UBXN7: variants seen among roughly 807,000 people sequenced by gnomAD.
UBXN7 encodes UBX domain protein 7, also known as UBX domain-containing protein 7.
UBXN7 carries 9 observed loss-of-function variants against 58.0 expected under a neutral mutation model. That is an observed-to-expected ratio of 0.16 (90% confidence interval 0.09 to 0.27). UBXN7 has a LOEUF of 0.27. Among genes scored for constraint, UBXN7 ranks in the 10% least tolerant of loss-of-function variants. UBXN7 has a pLI of 1.00. For synonymous variants in UBXN7, 208 were observed against 205.0 expected (o/e 1.01, Z -0.12); for missense variants, 328 against 599.6 (o/e 0.55, Z 4.73).
At chr3:196,359,098 G>A (rs933954201) in intron 10 of UBXN7, among the ~76,000 whole-genome samples, 2 of 152,124 alleles carry the variant, frequency 1.3e-5, no homozygotes, top group Admixed American at 1.3e-4. Context: ...CGGCAACCTT[G>A]TGTCAAGTGC....
intron 5 of UBXN7, among the ~76,000 whole-genome samples, chr3:196,374,272 CTTTT>C (rs66511935): frequency 4.0e-5 from 6 of 149,864 alleles, no homozygotes; most frequent in Non-Finnish European, 7.4e-5. Context: ...GGAAGAGTCA[CTTTT>C]TTTTTTCGCT....
chr3:196,397,264 G>GGGAAATT (rs1282061252), intron 3 of UBXN7, among the ~76,000 whole-genome samples: 1 of 152,208 alleles, frequency 6.6e-6, no homozygotes, highest in East Asian at 1.9e-4. Context: ...AAATTCAGGA[G>GGGAAATT]CTTCAAAGTC....
intron 1 of UBXN7, among the ~76,000 whole-genome samples, chr3:196,430,681 G>A (rs559743295): frequency 2.4e-4 from 37 of 152,176 alleles, no homozygotes; most frequent in Middle Eastern, 3.4e-3. Flanking sequence ...GAGACACCGC[G>A]CCAGGCCCAA....
intron 1 of UBXN7, among the ~76,000 whole-genome samples, chr3:196,408,504 A>C (rs1730230016): frequency 6.6e-6 from 1 of 152,236 alleles, no homozygotes; most frequent in South Asian, 2.1e-4. Context: ...GTCTAGTGAT[A>C]GAATGTAAAT....
chr3:196,417,331 C>CAAAT (rs1210112612), intron 1 of UBXN7, among the ~76,000 whole-genome samples: 2 of 151,196 alleles, frequency 1.3e-5, no homozygotes, highest in Admixed American at 6.6e-5. Context: ...ATAAATAAAT[C>CAAAT]AAATAAATAA....
rs941128300 is a variant in UBXN7 at position 196,354,709 on chromosome 3, T to C, written c.*1976A>G. On this transcript the variant is annotated 3_prime_UTR_variant, in exon 11 of 11. Coordinates refer to ENST00000296328, the MANE Select transcript of UBXN7 (RefSeq NM_015562.2). ...GAGGAATTAACATGAAAACCATCTT[T>C]CACTCAATAAATCAGAAGCTGCTAG... 6.6e-6 allele frequency: 1 copy of C among 152,128 alleles called. No homozygotes were observed. The highest frequency in any genetic ancestry group is 2.4e-5 in the African/African-American group (1 of 41,412). 9.4% of individuals were successfully genotyped at this position (152,128 alleles called of 1,614,324 possible). A position where few individuals can be genotyped will look rare whatever the true frequency, so the allele number is the denominator to read the frequency against.
intron 1 of UBXN7, among the ~76,000 whole-genome samples, chr3:196,411,395 T>C (rs1170133900): frequency 6.6e-6 from 1 of 152,266 alleles, no homozygotes; most frequent in African/African-American, 2.4e-5. Context: ...GTGCATATAC[T>C]TATGTTTTAA....
rs1409913215 is a variant in UBXN7 at position 196,354,897 on chromosome 3, A to C, written c.*1788T>G. 1 of 151,736 alleles carries C rather than the reference A, an allele frequency of 6.6e-6. No homozygotes were observed. Among genetic ancestry groups the C allele is most frequent in the Non-Finnish European group, 1.5e-5 (1 of 67,904 alleles). 9.4% of individuals were successfully genotyped at this position (151,736 alleles called of 1,614,324 possible). ...TATATACTTATACATAAGCACTTAC[A>C]CAGACTTAGAAAAAAATTTAAGAAC... On this transcript the variant is annotated 3_prime_UTR_variant, in exon 11 of 11. Coordinates refer to ENST00000296328, the MANE Select transcript of UBXN7 (RefSeq NM_015562.2).
At chr3:196,383,682 C>T (rs1180513717) in intron 5 of UBXN7, among the ~76,000 whole-genome samples, 1 of 152,198 alleles carries the variant, frequency 6.6e-6, no homozygotes, top group African/African-American at 2.4e-5. Flanking sequence ...AACTGAACAA[C>T]CTGCTCCTGA....
chr3:196,359,887 C>T (rs2108826187), intron 10 of UBXN7, among the ~76,000 whole-genome samples: 1 of 149,172 alleles, frequency 6.7e-6, no homozygotes, highest in African/African-American at 2.5e-5. Context: ...GCCTGGGTGA[C>T]AGAGCAAGAC....
At chr3:196,432,161 T>C (rs930204875) in intron 1 of UBXN7, 166 bp downstream of exon 1, 3 of 936,222 alleles carry the variant, frequency 3.2e-6, no homozygotes, top group African/African-American at 3.3e-5. Context: ...GTCTCCCGCC[T>C]GAACCCGGAG....
chr3:196,382,358 T>G (rs1314979137), intron 5 of UBXN7, among the ~76,000 whole-genome samples: 1 of 152,182 alleles, frequency 6.6e-6, no homozygotes, highest in Non-Finnish European at 1.5e-5. Context: ...AAAAGAATTT[T>G]CAACCCAGAA....
chr3:196,418,404 T>C (rs1387341349), intron 1 of UBXN7, among the ~76,000 whole-genome samples: 1 of 152,216 alleles, frequency 6.6e-6, no homozygotes, highest in African/African-American at 2.4e-5. Context: ...AAATACATTT[T>C]TGACAGTAAA....
chr3:196,413,485 A>C (rs1730394159), intron 1 of UBXN7, among the ~76,000 whole-genome samples: 1 of 152,214 alleles, frequency 6.6e-6, no homozygotes, highest in African/African-American at 2.4e-5. Context: ...ATGGTAATTT[A>C]AGTTACACAG....
In UBXN7 at chr3:196,355,607, T is replaced by C. The variant is rs573963945; in HGVS notation, c.*1078A>G. The C allele has an allele frequency of 1.3e-5, 2 of 152,238 alleles. No individual in the cohort carries two copies. Among genetic ancestry groups the C allele is most frequent in the African/African-American group, 4.8e-5 (2 of 41,472 alleles). 9.4% of individuals were successfully genotyped at this position (152,238 alleles called of 1,614,324 possible). A position where few individuals can be genotyped will look rare whatever the true frequency, so the allele number is the denominator to read the frequency against. On this transcript the variant is annotated 3_prime_UTR_variant, in exon 11 of 11. Transcript: ENST00000296328. The stretch of plus-strand genomic sequence containing the variant: ...GTTCAATTCAGTCACCAGAGCCTTT[T>C]AGAGACTATTCCAACCAGGGGCAAA...
At chr3:196,367,876 A>G (rs1002766956) in intron 8 of UBXN7, 152 bp downstream of exon 8, 2 of 1,094,560 alleles carry the variant, frequency 1.8e-6, no homozygotes, top group African/African-American at 3.2e-5. Context: ...GAAATTATCA[A>G]AATATAAGGA....
chr3:196,403,101 T>A (rs1730043964), intron 2 of UBXN7, 82 bp from the exon 3 acceptor site: 2 of 1,336,866 alleles, frequency 1.5e-6, no homozygotes, highest in South Asian at 2.7e-5. Context: ...GTGAATATAT[T>A]CAAATTAACG....
intron 5 of UBXN7, among the ~76,000 whole-genome samples, chr3:196,375,004 G>GAGGAAGGA (rs1179864500): frequency 0.038 from 1,439 of 37,462 alleles, 128 homozygotes; most frequent in East Asian, 0.31. Context: ...GGGAGGGAGG[G>GAGGAAGGA]AGGAAGGAAG....
chr3:196,391,771 A>C (rs931951187), intron 5 of UBXN7, 42 bp downstream of exon 5: 11 of 1,471,222 alleles, frequency 7.5e-6, no homozygotes, highest in Non-Finnish European at 1.0e-5. Flanking sequence ...TTGAAAATGC[A>C]AAAGGATTCA....
Sources: gnomAD v4.1 joint callset for allele counts (sites outside exome capture counted in the v4.1 genomes callset) on GRCh38, gnomAD v4.1.1 for gene constraint, MANE v1.5 for transcripts, NCBI Gene and HGNC (gene_info 2026-07-23, HGNC 2026-07-21) for gene names.